SLC10A7: variants seen among roughly 807,000 people sequenced by gnomAD.
The protein encoded by SLC10A7 is sodium/bile acid cotransporter 7.
SLC10A7 carries 29 observed loss-of-function variants against 43.2 expected under a neutral mutation model. The ratio of observed to expected loss-of-function variants is 0.67; its 90% confidence interval spans 0.50 to 0.92. SLC10A7 has a LOEUF of 0.92. SLC10A7 is among the 40% of genes least tolerant of loss of function. The pLI is 0.00. For synonymous variants in SLC10A7, 152 were observed against 144.8 expected (o/e 1.05, Z -0.35); for missense variants, 295 against 403.2 (o/e 0.73, Z 2.30).
At chr4:146,351,057 G>C (rs988184519) in intron 5 of SLC10A7, among the ~76,000 whole-genome samples, 1 of 151,394 alleles carries the variant, frequency 6.6e-6, no homozygotes, top group African/African-American at 2.5e-5. Context: ...GCTGAGAGAA[G>C]AAGGCTTCAG....
intron 9 of SLC10A7, among the ~76,000 whole-genome samples, chr4:146,287,374 C>T (rs1026420242): frequency 3.9e-5 from 6 of 152,020 alleles, no homozygotes; most frequent in African/African-American, 1.5e-4. Flanking sequence ...GCCTGAGAAG[C>T]CAAGAATAAA....
In SLC10A7 at chr4:146,352,770, C is replaced by A. The variant is rs1276058879; in HGVS notation, c.436-26774G>T. 2.3e-4 allele frequency among the ~76,000 whole-genome samples: 30 copies of A among 132,508 alleles called. No individual in the cohort carries two copies. The East Asian group carries it at 6.9e-3, about 30-fold the overall frequency. The allele number at this position is 132,508 out of a possible 152,430, so 86.9% of individuals were successfully genotyped here. A position where few individuals can be genotyped will look rare whatever the true frequency, so the allele number is the denominator to read the frequency against. On this transcript the variant is annotated intron_variant, in intron 5 of 11. Transcript: ENST00000335472. ...CTCAACTACATGGAAACTGAACAAC[C>A]TGCTCCTGAATGACTACTGGGTACA...
At position 146,442,282 on chromosome 4, in the gene SLC10A7, C is replaced by T. The variant is rs566670034; in HGVS notation, c.435+501G>A. On this transcript the variant is annotated intron_variant, in intron 5 of 11. Transcript: ENST00000335472. ...ATACAACATTTACTTGCAAATTACTCATTAGTCATATCTTCCTTTCAAATT... is the reference window on the plus strand; with the variant it reads ...ATACAACATTTACTTGCAAATTACTTATTAGTCATATCTTCCTTTCAAATT... 1.3e-5 allele frequency: 13 copies of T among 981,826 alleles called. No individual in the cohort carries two copies. The African/African-American group carries it at 1.6e-4, about 12-fold the overall frequency. The allele number at this position is 981,826 out of a possible 1,614,324, so 60.8% of individuals were successfully genotyped here.
At chr4:146,446,169 C>T (rs943016882) in intron 4 of SLC10A7, among the ~76,000 whole-genome samples, 1 of 151,806 alleles carries the variant, frequency 6.6e-6, no homozygotes, top group Non-Finnish European at 1.5e-5. Flanking sequence ...CCCCAACACA[C>T]GCACACACAC....
intron 6 of SLC10A7, among the ~76,000 whole-genome samples, chr4:146,318,328 A>G (rs911571698): frequency 3.5e-4 from 54 of 152,156 alleles, no homozygotes; most frequent in African/African-American, 1.2e-3. Context: ...AAGGTCCTCA[A>G]TGACCTCTGT....
intron 3 of SLC10A7, among the ~76,000 whole-genome samples, chr4:146,509,640 T>C (rs934203153): frequency 1.3e-5 from 2 of 152,210 alleles, no homozygotes; most frequent in African/African-American, 4.8e-5. Context: ...CTAGTCCTTC[T>C]CATTTTTCTT....
intron 5 of SLC10A7, among the ~76,000 whole-genome samples, chr4:146,362,433 G>T (rs1274570895): frequency 2.0e-5 from 3 of 152,094 alleles, no homozygotes; most frequent in African/African-American, 7.2e-5. Flanking sequence ...CAGGCCAGGA[G>T]GGAGTGGGAT....
At chr4:146,443,612 G>C (rs116737268) in intron 4 of SLC10A7, among the ~76,000 whole-genome samples, 1 of 152,200 alleles carries the variant, frequency 6.6e-6, no homozygotes, top group African/African-American at 2.4e-5. Flanking sequence ...AAGGGGTAGA[G>C]AGAACCTATT....
intron 5 of SLC10A7, among the ~76,000 whole-genome samples, chr4:146,420,473 G>C (rs1263280641): frequency 1.3e-5 from 2 of 151,988 alleles, no homozygotes; most frequent in African/African-American, 4.8e-5. Flanking sequence ...TACTTATTAG[G>C]GATTCATGTT....
intron 4 of SLC10A7, among the ~76,000 whole-genome samples, chr4:146,501,144 T>A (rs914710282): frequency 6.6e-6 from 1 of 152,174 alleles, no homozygotes; most frequent in Non-Finnish European, 1.5e-5. Flanking sequence ...CTCTTTTATA[T>A]CTATGCTCTC....
chr4:146,359,368 A>G (rs1226361454), intron 5 of SLC10A7, among the ~76,000 whole-genome samples: 1 of 152,166 alleles, frequency 6.6e-6, no homozygotes, highest in Non-Finnish European at 1.5e-5. Flanking sequence ...CTTTCAATAA[A>G]TAGATGTTTT....
At chr4:146,273,807 C>T (rs1209225519) in intron 10 of SLC10A7, among the ~76,000 whole-genome samples, 1 of 152,048 alleles carries the variant, frequency 6.6e-6, no homozygotes, top group Non-Finnish European at 1.5e-5. Context: ...GAAACTCCCT[C>T]CCGCCGATGC....
At chr4:146,361,959 A>G (rs1318782874) in intron 5 of SLC10A7, among the ~76,000 whole-genome samples, 1 of 152,188 alleles carries the variant, frequency 6.6e-6, no homozygotes, top group Non-Finnish European at 1.5e-5. Flanking sequence ...CGAAAAATGT[A>G]TCAGTCTCTC....
chr4:146,328,966 A>G (rs917061711), intron 5 of SLC10A7, among the ~76,000 whole-genome samples: 2 of 152,224 alleles, frequency 1.3e-5, no homozygotes, highest in Non-Finnish European at 2.9e-5. Flanking sequence ...TCCAAAGGAG[A>G]AGGAAATTTA....
chr4:146,423,624 C>T (rs1401273709), intron 5 of SLC10A7, among the ~76,000 whole-genome samples: 1 of 152,108 alleles, frequency 6.6e-6, no homozygotes, highest in East Asian at 1.9e-4. Context: ...AAAAAGAAAC[C>T]CAACTAACAA....
chr4:146,278,339 A>G (rs1352350189), intron 10 of SLC10A7, among the ~76,000 whole-genome samples: 2 of 152,164 alleles, frequency 1.3e-5, no homozygotes, highest in East Asian at 3.8e-4. Context: ...TGTACCAAGT[A>G]GAATAGGCTT....
chr4:146,354,057 G>A (rs1735360902), intron 5 of SLC10A7, among the ~76,000 whole-genome samples: 1 of 146,104 alleles, frequency 6.8e-6, no homozygotes, highest in Non-Finnish European at 1.5e-5. Context: ...GCAGGAGAAG[G>A]AAATAAAGGG....
intron 1 of SLC10A7, 40 bp downstream of exon 1, chr4:146,521,578 G>A (rs1738665466): frequency 1.9e-6 from 3 of 1,555,450 alleles, no homozygotes; most frequent in South Asian, 1.1e-5. Flanking sequence ...TAGTTCTGAA[G>A]TGGGAGCCGC....
chr4:146,263,785 C>T (rs138019652), intron 10 of SLC10A7, among the ~76,000 whole-genome samples: 1 of 152,304 alleles, frequency 6.6e-6, no homozygotes, highest in East Asian at 1.9e-4. Flanking sequence ...CAAAAAATGC[C>T]TCTTTAATAC....
Sources: gnomAD v4.1 joint callset for allele counts (sites outside exome capture counted in the v4.1 genomes callset) on GRCh38, gnomAD v4.1.1 for gene constraint, MANE v1.5 for transcripts, NCBI Gene and HGNC (gene_info 2026-07-23, HGNC 2026-07-21) for gene names.